OGDH: variants seen among roughly 807,000 people sequenced by gnomAD.
The protein encoded by OGDH is oxoglutarate dehydrogenase, also known as 2-oxoglutarate dehydrogenase complex component E1.
A neutral mutation model predicts 116.6 loss-of-function variants in OGDH; 38 were observed. The observed-to-expected ratio is 0.33, with a 90% CI of 0.25 to 0.43. OGDH has a LOEUF of 0.43. Ranked by LOEUF, OGDH falls within the 20% of genes least tolerant of loss-of-function variation. The pLI, the probability that OGDH is intolerant of heterozygous loss-of-function variation, is 1.00. For synonymous variants in OGDH, 488 were observed against 533.3 expected, an observed-to-expected ratio of 0.92 and a Z score of 1.17; for missense variants, 825 against 1,357.2, an observed-to-expected ratio of 0.61 and a Z score of 6.16.
chr7:44,695,593 C>T (rs1261089750), intron 12 of OGDH, among the ~76,000 whole-genome samples: 1 of 151,874 alleles, frequency 6.6e-6, no homozygotes, highest in Non-Finnish European at 1.5e-5. Flanking sequence ...GTCCCAGCTA[C>T]TCAGGTGGCT....
chr7:44,638,442 A>G (rs1449763128), intron 2 of OGDH, among the ~76,000 whole-genome samples: 2 of 152,160 alleles, frequency 1.3e-5, no homozygotes, highest in East Asian at 3.9e-4. Context: ...GTTTGATGGT[A>G]GCATGCTATT....
chr7:44,642,336 A>C (rs1429187223), intron 2 of OGDH, among the ~76,000 whole-genome samples: 1 of 152,148 alleles, frequency 6.6e-6, no homozygotes, highest in Non-Finnish European at 1.5e-5. Flanking sequence ...AAGCAGGAGA[A>C]TCACTTGAGC....
At chr7:44,683,653 C>T (rs1316482912) in intron 10 of OGDH, among the ~76,000 whole-genome samples, 2 of 152,160 alleles carry the variant, frequency 1.3e-5, no homozygotes, top group South Asian at 2.1e-4. Context: ...CACATATTTG[C>T]TCATATCATT....
In OGDH at chr7:44,693,902, C is replaced by A. The variant is rs757889825; in HGVS notation, c.1413C>A (p.Pro471=). The A allele has an allele frequency of 4.3e-6, 7 of 1,614,162 alleles. No homozygotes were observed. The Admixed American group carries it at 1.2e-4, about 27-fold the overall frequency. Residue 471 remains proline, a synonymous_variant, in exon 11 of 23, where the codon CCC becomes CCA. Transcript: ENST00000222673. ...PTDVARVVNA[P]IFHVNSDDPE... Reference sequence around the variant, plus strand: ...ACGTGGCCCGAGTGGTGAATGCCCCCATTTTCCACGTGAACTCAGATGACC... The same window carrying A: ...ACGTGGCCCGAGTGGTGAATGCCCCAATTTTCCACGTGAACTCAGATGACC...
intron 4 of OGDH, among the ~76,000 whole-genome samples, chr7:44,662,619 C>T (rs1392188383): frequency 1.3e-5 from 2 of 151,974 alleles, no homozygotes; most frequent in African/African-American, 2.4e-5. Context: ...CGCACCACCA[C>T]GCCTGGCTAA....
At position 44,634,699 on chromosome 7, in the gene OGDH, C is replaced by T. The variant is rs540276213; in HGVS notation, c.222+10134C>T. On this transcript the variant is annotated intron_variant, in intron 2 of 22. Transcript: ENST00000222673. Reference sequence around the variant, plus strand: ...GTATAAACAGCTTGTAGTGGCAGGTCACCAGGCCTGGATCACAGTGCCCTA... The same window carrying T: ...GTATAAACAGCTTGTAGTGGCAGGTTACCAGGCCTGGATCACAGTGCCCTA... 7.2e-5 allele frequency among the ~76,000 whole-genome samples: 11 copies of T among 152,274 alleles called. No homozygotes were observed. In the South Asian group the frequency reaches 2.1e-3, roughly 29 times the overall value.
chr7:44,648,925 A>G (rs1786311163), intron 4 of OGDH, among the ~76,000 whole-genome samples: 1 of 152,090 alleles, frequency 6.6e-6, no homozygotes, highest in Non-Finnish European at 1.5e-5. Context: ...TGCTCCCAAG[A>G]AGAGGGCCTC....
intron 5 of OGDH, among the ~76,000 whole-genome samples, chr7:44,667,412 G>T (rs1172552288): frequency 6.6e-6 from 1 of 152,168 alleles, no homozygotes; most frequent in Non-Finnish European, 1.5e-5. Context: ...AACCCTGAGG[G>T]ACAGGCCTCA....
At chr7:44,695,904 A>G in intron 12 of OGDH, 121 bp from the exon 13 acceptor site, 1 of 641,664 alleles carries the variant, frequency 1.6e-6, no homozygotes, top group Admixed American at 2.2e-5. Flanking sequence ...CATGCACGGG[A>G]GTTGTGCCAG....
chr7:44,659,821 T>TAA (rs1786857323), intron 4 of OGDH, among the ~76,000 whole-genome samples: 1 of 152,224 alleles, frequency 6.6e-6, no homozygotes, highest in Admixed American at 6.5e-5. Context: ...GTCCTCTTTT[T>TAA]ATTTGTCAGT....
chr7:44,650,175 G>A (rs192661054), intron 4 of OGDH, among the ~76,000 whole-genome samples: 12 of 152,244 alleles, frequency 7.9e-5, no homozygotes, highest in Admixed American at 2.0e-4. Context: ...AATGGAAACC[G>A]CGTAAACTTG....
intron 19 of OGDH, 133 bp downstream of exon 19, chr7:44,700,402 G>A (rs1788775282): frequency 1.7e-6 from 2 of 1,165,150 alleles, no homozygotes; most frequent in Non-Finnish European, 2.4e-6. Context: ...GACAGGACAT[G>A]GTGTCAGGGA....
rs1437470347 is a variant in OGDH at position 44,694,014 on chromosome 7, T to C, written c.1515+10T>C. ...CGTGGTTGTCGATTTGGTGAGTGAC[T>C]CTGGGGACAGCACGTCCTGGGCAGA... is the stretch of plus-strand genomic sequence containing the variant. On this transcript the variant is annotated intron_variant, in intron 11 of 22. Coordinates refer to ENST00000222673, the MANE Select transcript of OGDH (RefSeq NM_002541.4). This position sits in a 1 kb window ranked among gnomAD's most constrained non-coding sequence, Gnocchi z 4.2. The C allele has an allele frequency of 1.9e-6, 3 of 1,607,772 alleles. No homozygotes were observed. The highest frequency in any genetic ancestry group is 1.7e-5 in the Admixed American group (1 of 59,832).
At chr7:44,607,377 C>T (rs1784394726) in intron 1 of OGDH, among the ~76,000 whole-genome samples, 1 of 152,148 alleles carries the variant, frequency 6.6e-6, no homozygotes, top group African/African-American at 2.4e-5. Flanking sequence ...AGAAAACTTG[C>T]CGCGCCCTCG....
At position 44,645,439 on chromosome 7, in the gene OGDH, C is replaced by G; in HGVS notation, c.335C>G (p.Ser112Cys). The G allele has an allele frequency of 6.2e-7, 1 of 1,614,192 alleles. No homozygotes were observed. The highest frequency in any genetic ancestry group is 8.5e-7 in the Non-Finnish European group (1 of 1,180,036). The change falls in exon 3 of 23, where the codon TCC (serine) becomes TGC (cysteine). Residue 112 changes from serine to cysteine, a missense_variant. By Grantham distance (112) the Ser-to-Cys change is moderately radical. Transcript: ENST00000222673. ...CTGGCTGCTGTGGCCCATGCACAGT[C>G]CCTGGTAGAAGCACAGCCCAACGTG... Reference protein sequence around the residue: ...GSLAAVAHAQSLVEAQPNVDK... With the variant: ...GSLAAVAHAQCLVEAQPNVDK...
chr7:44,646,159 A>T (rs944722845), intron 3 of OGDH, among the ~76,000 whole-genome samples: 2 of 152,106 alleles, frequency 1.3e-5, no homozygotes. Flanking sequence ...ACATGGGGAG[A>T]GCCTAGAGTT....
At chr7:44,656,472 A>G (rs567716741) in intron 4 of OGDH, 29 of 956,204 alleles carry the variant, frequency 3.0e-5, no homozygotes, top group Non-Finnish European at 3.9e-5. Context: ...AACTTCTGTC[A>G]CGTGTTTTTA....
At chr7:44,630,113 G>A (rs913229377) in intron 2 of OGDH, among the ~76,000 whole-genome samples, 2 of 152,220 alleles carry the variant, frequency 1.3e-5, no homozygotes, top group Non-Finnish European at 2.9e-5. Context: ...AAACTAAGTG[G>A]AGGAAAAGCA....
At chr7:44,669,366 G>A (rs560746017) in intron 5 of OGDH, among the ~76,000 whole-genome samples, 4 of 151,920 alleles carry the variant, frequency 2.6e-5, no homozygotes, top group Non-Finnish European at 5.9e-5. Context: ...TGCCCAGGCT[G>A]ATCTTGAACT....
Sources: allele counts gnomAD v4.1 joint callset (sites outside exome capture counted in the v4.1 genomes callset), GRCh38; gene constraint gnomAD v4.1.1; non-coding constraint Gnocchi (gnomAD v3.1); transcripts MANE v1.5; gene names NCBI Gene and HGNC (gene_info 2026-07-23, HGNC 2026-07-21).